NXPH2: variants seen among roughly 807,000 people sequenced by gnomAD.
NXPH2 encodes the protein neurexophilin 2, also known as neurexophilin-2.
Under a neutral mutation model 19.8 loss-of-function variants are expected in NXPH2, and 5 were observed. The ratio of observed to expected loss-of-function variants is 0.25; its 90% CI spans 0.13 to 0.53. NXPH2 has a LOEUF of 0.53. Among genes scored for constraint, NXPH2 ranks in the 20% least tolerant of loss-of-function variants. The pLI, the probability that NXPH2 is intolerant of heterozygous loss-of-function variation, is 0.96. For missense variants in NXPH2, 289 were observed against 322.8 expected (o/e 0.90, Z 0.80); for synonymous variants, 154 against 127.4 (o/e 1.21, Z -1.41).
chr2:138,743,143 A>G (rs749992014), intron 1 of NXPH2, among the ~76,000 whole-genome samples: 10 of 152,202 alleles, frequency 6.6e-5, no homozygotes, highest in Non-Finnish European at 1.2e-4. Flanking sequence ...GGTTCTTTTG[A>G]TTGCTTGTAA....
At chr2:138,709,142 TGA>T (rs1358912744) in intron 1 of NXPH2, among the ~76,000 whole-genome samples, 3 of 152,082 alleles carry the variant, frequency 2.0e-5, no homozygotes, top group African/African-American at 7.2e-5. Context: ...AGGCTGACTC[TGA>T]GAGTCGCTGG....
intron 1 of NXPH2, among the ~76,000 whole-genome samples, chr2:138,764,105 G>T (rs541396275): frequency 9.9e-5 from 15 of 152,232 alleles, no homozygotes; most frequent in African/African-American, 3.6e-4. Flanking sequence ...TGCACTTAGT[G>T]TGCACCAGAC....
chr2:138,772,389 T>C (rs901895083), intron 1 of NXPH2, among the ~76,000 whole-genome samples: 3 of 152,174 alleles, frequency 2.0e-5, no homozygotes, highest in African/African-American at 7.2e-5. Context: ...CTCTGCCTCT[T>C]GGATTCAAGC....
intron 1 of NXPH2, among the ~76,000 whole-genome samples, chr2:138,775,170 G>A (rs572092079): frequency 6.6e-6 from 1 of 152,186 alleles, no homozygotes; most frequent in African/African-American, 2.4e-5. Flanking sequence ...ATTTCCTACA[G>A]CATTTGGGCT....
chr2:138,698,489 G>A (rs1158511073), intron 1 of NXPH2, among the ~76,000 whole-genome samples: 3 of 152,086 alleles, frequency 2.0e-5, no homozygotes, highest in East Asian at 3.9e-4. Flanking sequence ...ATTTAATAAC[G>A]TCTTCCAGTA....
intron 1 of NXPH2, among the ~76,000 whole-genome samples, chr2:138,771,382 G>A (rs75252296): frequency 9.2e-5 from 14 of 151,964 alleles, no homozygotes; most frequent in Admixed American, 5.9e-4. Context: ...AAAGACATAC[G>A]TTAAACTATT....
chr2:138,750,319 G>C (rs575002455), intron 1 of NXPH2, among the ~76,000 whole-genome samples: 1 of 152,086 alleles, frequency 6.6e-6, no homozygotes, highest in African/African-American at 2.4e-5. Flanking sequence ...TAAGTAACCT[G>C]GAATATATGC....
Position 138,670,900 on chromosome 2 carries a change from C to A in NXPH2, c.*22G>T. 2 of 1,599,644 alleles carry A rather than the reference C, an allele frequency of 1.3e-6. No individual in the cohort carries two copies. The highest frequency in any genetic ancestry group is 1.1e-5 in the South Asian group (1 of 88,600). ...TCTAATCAAATACATATGTATCCCTCATTTCCACCACAGCAGGAAGATCAG... is the reference window on the plus strand; with the variant it reads ...TCTAATCAAATACATATGTATCCCTAATTTCCACCACAGCAGGAAGATCAG... On this transcript the variant is annotated 3_prime_UTR_variant, in exon 2 of 2. Transcript: ENST00000272641.
chr2:138,685,588 C>T (rs771832794), intron 1 of NXPH2, among the ~76,000 whole-genome samples: 4 of 152,158 alleles, frequency 2.6e-5, no homozygotes, highest in Non-Finnish European at 5.9e-5. Context: ...TAAATGTGCT[C>T]AGAACTCTTA....
intron 1 of NXPH2, among the ~76,000 whole-genome samples, chr2:138,741,008 A>G (rs1681633900): frequency 6.6e-6 from 1 of 152,062 alleles, no homozygotes; most frequent in Non-Finnish European, 1.5e-5. Flanking sequence ...CCATACTGGG[A>G]CAATCCCCTT....
chr2:138,752,826 A>G (rs1681846909), intron 1 of NXPH2, among the ~76,000 whole-genome samples: 1 of 152,182 alleles, frequency 6.6e-6, no homozygotes, highest in Non-Finnish European at 1.5e-5. Context: ...AGAATGTGCT[A>G]CAAGTGGAAC....
intron 1 of NXPH2, among the ~76,000 whole-genome samples, chr2:138,705,278 A>G (rs962013713): frequency 2.0e-5 from 3 of 152,176 alleles, no homozygotes; most frequent in Non-Finnish European, 4.4e-5. Context: ...ATATTATTAA[A>G]AATAAACATT....
chr2:138,768,678 T>G (rs542593458), intron 1 of NXPH2, among the ~76,000 whole-genome samples: 1 of 152,362 alleles, frequency 6.6e-6, no homozygotes, highest in East Asian at 1.9e-4. Context: ...TAATAATTTC[T>G]TCTCTGCTTA....
intron 1 of NXPH2, among the ~76,000 whole-genome samples, chr2:138,745,973 T>G (rs920693949): frequency 6.6e-6 from 1 of 152,052 alleles, no homozygotes; most frequent in Non-Finnish European, 1.5e-5. Flanking sequence ...CAAGAGATGG[T>G]CAAAATAGCC....
intron 1 of NXPH2, among the ~76,000 whole-genome samples, chr2:138,774,809 G>A (rs893169098): frequency 3.0e-4 from 46 of 152,178 alleles, no homozygotes; most frequent in Non-Finnish European, 6.2e-4. Flanking sequence ...ATGTTTGACT[G>A]ATTCAGAAAT....
At chr2:138,740,330 G>C (rs1402624231) in intron 1 of NXPH2, among the ~76,000 whole-genome samples, 1 of 152,142 alleles carries the variant, frequency 6.6e-6, no homozygotes, top group Non-Finnish European at 1.5e-5. Flanking sequence ...TTTCTGGCTG[G>C]AGCTGCTCTG....
chr2:138,686,477 T>G (rs1181176186), intron 1 of NXPH2, among the ~76,000 whole-genome samples: 1 of 152,094 alleles, frequency 6.6e-6, no homozygotes, highest in Non-Finnish European at 1.5e-5. Context: ...TTTTTTTTTG[T>G]CTTTCAAAAA....
chr2:138,671,178 T>C lies in NXPH2; in HGVS notation c.539A>G (p.Lys180Arg). ...GCGACAATTGAAAGATTTGGATTCC[T>C]TGGTCTCCAAGGTAGACTGGGGGGA... ...EVSPQSTLET[K>R]ESKSFNCRIE... The change falls in exon 2 of 2, where the codon AAG (lysine) becomes AGG (arginine). Residue 180 changes from lysine to arginine, a missense_variant. Lys to Arg is a conservative substitution (Grantham distance 26, BLOSUM62 2). Coordinates refer to ENST00000272641, the MANE Select transcript of NXPH2 (RefSeq NM_007226.3). 2 of 1,613,954 alleles carry C rather than the reference T, an allele frequency of 1.2e-6. No homozygotes were observed. Among genetic ancestry groups the C allele is most frequent in the Non-Finnish European group, 1.7e-6 (2 of 1,179,870 alleles).
At chr2:138,740,553 A>G (rs1681626274) in intron 1 of NXPH2, among the ~76,000 whole-genome samples, 2 of 152,202 alleles carry the variant, frequency 1.3e-5, no homozygotes, top group South Asian at 4.1e-4. Flanking sequence ...CAATCACATC[A>G]GAATAAATCA....
Sources: allele counts gnomAD v4.1 joint callset (sites outside exome capture counted in the v4.1 genomes callset), GRCh38; gene constraint gnomAD v4.1.1; transcripts MANE v1.5; gene names NCBI Gene and HGNC (gene_info 2026-07-23, HGNC 2026-07-21).